TMOD1: variants seen among roughly 807,000 people sequenced by gnomAD.
TMOD1 encodes tropomodulin-1.
TMOD1 carries 17 observed loss-of-function variants against 40.6 expected under a neutral mutation model. The ratio of observed to expected loss-of-function variants is 0.42; its 90% confidence interval spans 0.29 to 0.63. TMOD1 has a LOEUF of 0.63. Among genes scored for constraint, TMOD1 ranks in the 20% least tolerant of loss-of-function variants. The pLI, the probability that TMOD1 is intolerant of heterozygous loss-of-function variation, is 0.22. For synonymous variants in TMOD1, 181 were observed against 175.0 expected (o/e 1.03, Z -0.27); for missense variants, 391 against 447.6 (o/e 0.87, Z 1.14).
intron 8 of TMOD1, among the ~76,000 whole-genome samples, chr9:97,576,702 C>T (rs552857881): frequency 1.1e-3 from 164 of 151,426 alleles, no homozygotes; most frequent in Non-Finnish European, 1.0e-3. Flanking sequence ...GGCACGATCT[C>T]GGCTCACTGC....
At chr9:97,530,975 A>G (rs1197672851) in intron 2 of TMOD1, among the ~76,000 whole-genome samples, 8 of 140,730 alleles carry the variant, frequency 5.7e-5, no homozygotes, top group African/African-American at 2.1e-4. Context: ...TTTAGTAGAG[A>G]TGGGGTTTCA....
intron 8 of TMOD1, among the ~76,000 whole-genome samples, chr9:97,574,628 G>C (rs955122025): frequency 2.0e-5 from 3 of 152,278 alleles, no homozygotes; most frequent in Admixed American, 6.5e-5. Flanking sequence ...GGTGAAGCCA[G>C]CTGGGCTCCT....
At chr9:97,558,422 C>T (rs1374654876) in intron 4 of TMOD1, among the ~76,000 whole-genome samples, 2 of 147,992 alleles carry the variant, frequency 1.4e-5, no homozygotes, top group Non-Finnish European at 1.5e-5. Flanking sequence ...ACCACAGCTA[C>T]CCTGGATGCT....
chr9:97,521,259 A>G (rs1188600780), intron 1 of TMOD1, among the ~76,000 whole-genome samples: 1 of 152,130 alleles, frequency 6.6e-6, no homozygotes, highest in East Asian at 1.9e-4. Context: ...CTTGCAACCT[A>G]TTCCTCTTGG....
chr9:97,524,497 GGTGTGTGTGT>G (rs71369515), intron 2 of TMOD1, among the ~76,000 whole-genome samples, 189 bp downstream of exon 2: 2 of 142,936 alleles, frequency 1.4e-5, no homozygotes, highest in African/African-American at 2.7e-5. Flanking sequence ...GAACCAATAG[GGTGTGTGTGT>G]GTGTGTGTGT....
At chr9:97,528,471 T>C (rs1830049776) in intron 2 of TMOD1, among the ~76,000 whole-genome samples, 2 of 152,170 alleles carry the variant, frequency 1.3e-5, no homozygotes, top group Non-Finnish European at 2.9e-5. Context: ...GGATAGGAGA[T>C]AATGGAGGCC....
chr9:97,522,059 C>G (rs1448802236), intron 1 of TMOD1, among the ~76,000 whole-genome samples: 1 of 152,150 alleles, frequency 6.6e-6, no homozygotes, highest in African/African-American at 2.4e-5. Flanking sequence ...GGTTGGCTTG[C>G]ATGGAGGTCT....
intron 8 of TMOD1, among the ~76,000 whole-genome samples, chr9:97,578,807 G>A (rs368935043): frequency 2.2e-4 from 33 of 152,264 alleles, no homozygotes; most frequent in East Asian, 1.5e-3. Context: ...GGCAGTCCTC[G>A]AAGTCCCTGG....
At chr9:97,556,925 C>T (rs1458706291) in intron 4 of TMOD1, among the ~76,000 whole-genome samples, 1 of 152,086 alleles carries the variant, frequency 6.6e-6, no homozygotes, top group African/African-American at 2.4e-5. Flanking sequence ...AGTGGCCTGG[C>T]AGGCTTGCTA....
rs1563990652 is a variant in TMOD1 at position 97,559,801 on chromosome 9, ATATATATATATATATATATATATGTC to A, written c.398-2927_398-2902del. On this transcript the variant is annotated intron_variant, in intron 4 of 9. Transcript: ENST00000259365. ...AAAAAAAAAAAAAAAAAAAATATAT[ATATATATATATATATATATATATGTC>A]TATCTATCTATCTATCTATCTATCT... 4.8e-5 allele frequency among the ~76,000 whole-genome samples: 3 copies of A among 62,070 alleles called. 1 individual carries two copies. The highest frequency in any genetic ancestry group is 2.1e-4 in the African/African-American group (3 of 13,960). 40.7% of individuals were successfully genotyped at this position (62,070 alleles called of 152,430 possible). A position where few individuals can be genotyped will look rare whatever the true frequency, so the allele number is the denominator to read the frequency against.
chr9:97,545,036 G>T (rs1359416401), intron 2 of TMOD1, among the ~76,000 whole-genome samples: 1 of 151,878 alleles, frequency 6.6e-6, no homozygotes, highest in Non-Finnish European at 1.5e-5. Context: ...AAGGTTGGAG[G>T]TGGAATGACT....
rs187851058 is a variant in TMOD1, at chr9:97,535,571, G to A, written c.121-10614G>A. The stretch of plus-strand genomic sequence containing the variant: ...TCCCCTGTGGCTGTGAGCCCCTCTG[G>A]GCTGGGATCGTACCGTCATTGTCTC... On this transcript the variant is annotated intron_variant, in intron 2 of 9. Coordinates refer to ENST00000259365, the MANE Select transcript of TMOD1 (RefSeq NM_003275.4). Among the ~76,000 whole-genome samples, 324 of 152,256 alleles carry A rather than the reference G, an allele frequency of 2.1e-3. 2 individuals are homozygous for A. The highest frequency in any genetic ancestry group is 7.3e-3 in the African/African-American group (305 of 41,524).
At chr9:97,579,501 G>T (rs1343874108) in intron 8 of TMOD1, among the ~76,000 whole-genome samples, 1 of 152,106 alleles carries the variant, frequency 6.6e-6, no homozygotes, top group Non-Finnish European at 1.5e-5. Context: ...GCCCAGGTTG[G>T]TCTCAAACTC....
chr9:97,534,424 C>T (rs1830149116), intron 2 of TMOD1, among the ~76,000 whole-genome samples: 1 of 152,230 alleles, frequency 6.6e-6, no homozygotes, highest in African/African-American at 2.4e-5. Context: ...CTTGGCATTT[C>T]CCAAAACCCA....
chr9:97,590,562 T>C (rs1180949969), intron 8 of TMOD1, among the ~76,000 whole-genome samples: 1 of 152,022 alleles, frequency 6.6e-6, no homozygotes, highest in Non-Finnish European at 1.5e-5. Flanking sequence ...GGCACTATTA[T>C]AACTGAGACT....
Position 97,524,269 on chromosome 9 carries a change from G to T in TMOD1, c.81G>T (p.Leu27=). 1 of 1,614,182 alleles carries T rather than the reference G, an allele frequency of 6.2e-7. No homozygotes were observed. Among genetic ancestry groups the T allele is most frequent in the Non-Finnish European group, 8.5e-7 (1 of 1,180,020 alleles). The change falls in exon 2 of 10, where the codon CTG becomes CTT. Residue 27 remains leucine (L), a synonymous_variant. Transcript: ENST00000259365. Reference sequence around the variant, plus strand: ...TTGGAGCCCTAACAGAGGAAGAGCTGAGGACCCTGGAAAATGAGCTGGATG... The same window carrying T: ...TTGGAGCCCTAACAGAGGAAGAGCTTAGGACCCTGGAAAATGAGCTGGATG... The part of the protein sequence containing the change: ...EILGALTEEE[L]RTLENELDEL...
intron 2 of TMOD1, among the ~76,000 whole-genome samples, chr9:97,533,504 C>CTT (rs1830134192): frequency 6.6e-6 from 1 of 152,220 alleles, no homozygotes; most frequent in South Asian, 2.1e-4. Flanking sequence ...GAATAATGTC[C>CTT]TTGGCTTAGT....
At chr9:97,526,588 C>A (rs1830017635) in intron 2 of TMOD1, among the ~76,000 whole-genome samples, 1 of 152,074 alleles carries the variant, frequency 6.6e-6, no homozygotes, top group Admixed American at 6.5e-5. Context: ...TTTAAACCAG[C>A]CATTGCTCAA....
intron 2 of TMOD1, among the ~76,000 whole-genome samples, chr9:97,538,430 T>G (rs890995141): frequency 6.6e-6 from 1 of 151,668 alleles, no homozygotes; most frequent in Non-Finnish European, 1.5e-5. Flanking sequence ...GACGGCTGCT[T>G]TGGTGGAGTC....
Sources: gnomAD v4.1 joint callset for allele counts (sites outside exome capture counted in the v4.1 genomes callset) on GRCh38, gnomAD v4.1.1 for gene constraint, MANE v1.5 for transcripts, NCBI Gene and HGNC (gene_info 2026-07-23, HGNC 2026-07-21) for gene names.